The following CATSPERT variants were observed in gnomAD, a reference collection of about 807,000 sequenced individuals.
The protein encoded by CATSPERT is catsper channel auxiliary subunit tau, also known as cation channel sperm-associated targeting subunit tau.
At chr2:201,561,014 C>T in the CATSPERT span, among the ~76,000 whole-genome samples, 1 of 152,148 alleles carries the variant, frequency 6.6e-6, no homozygotes, top group Non-Finnish European at 1.5e-5. Context: ...AACTCCTGAC[C>T]TCATGATCGG....
At chr2:201,608,132 A>G in the CATSPERT span, among the ~76,000 whole-genome samples, 1 of 152,146 alleles carries the variant, frequency 6.6e-6, no homozygotes, top group African/African-American at 2.4e-5. Context: ...ATATAGGGTA[A>G]TTGCCTCCAG....
At chr2:201,498,042 AG>A in the CATSPERT span, among the ~76,000 whole-genome samples, 2 of 152,180 alleles carry the variant, frequency 1.3e-5, no homozygotes, top group African/African-American at 4.8e-5. Flanking sequence ...ATGTAAAATC[AG>A]GGGGGTCTGA....
the CATSPERT span, chr2:201,493,529 G>C: frequency 2.3e-5 from 36 of 1,536,826 alleles, no homozygotes; most frequent in Non-Finnish European, 3.1e-5. Flanking sequence ...GATTCTAAAA[G>C]TGTATCTATA....
the CATSPERT span, among the ~76,000 whole-genome samples, chr2:201,489,394 G>A: frequency 6.6e-6 from 1 of 151,958 alleles, no homozygotes; most frequent in African/African-American, 2.4e-5. Context: ...TTTTCCGAGT[G>A]TGTAGACACG....
At chr2:201,550,775 A>C in the CATSPERT span, 2 of 152,172 alleles carry the variant, frequency 1.3e-5, no homozygotes, top group African/African-American at 4.8e-5. Flanking sequence ...TCGGATCATT[A>C]AGTCATTCAT....
chr2:201,493,842 T>C, the CATSPERT span: 30 of 1,536,134 alleles, frequency 2.0e-5, no homozygotes, highest in Non-Finnish European at 2.6e-5. Flanking sequence ...TTTTTTTAAT[T>C]GGAAAATCTC....
At chr2:201,512,291 T>C in the CATSPERT span, among the ~76,000 whole-genome samples, 376 of 152,330 alleles carry the variant, frequency 2.5e-3, 3 homozygotes, top group South Asian at 0.03. Flanking sequence ...AGAGAGCTCA[T>C]GTTCTCTTCC....
At chr2:201,517,685 A>G in the CATSPERT span, among the ~76,000 whole-genome samples, 2 of 152,242 alleles carry the variant, frequency 1.3e-5, no homozygotes, top group East Asian at 3.8e-4. Flanking sequence ...GCCACTTCTT[A>G]CTGTAAAGAT....
the CATSPERT span, among the ~76,000 whole-genome samples, chr2:201,521,752 T>G: frequency 2.0e-4 from 30 of 152,148 alleles, no homozygotes; most frequent in Admixed American, 3.9e-4. Context: ...GCAAAAGTCC[T>G]AAACAAAATG....
At chr2:201,494,732 C>A in the CATSPERT span, 3 of 1,508,160 alleles carry the variant, frequency 2.0e-6, no homozygotes, top group South Asian at 3.8e-5. Context: ...AGAAAAGGAT[C>A]AAAACCGTTC....
the CATSPERT span, among the ~76,000 whole-genome samples, chr2:201,598,990 T>C: frequency 5.9e-5 from 9 of 152,008 alleles, no homozygotes; most frequent in Admixed American, 2.0e-4. Flanking sequence ...CCCCTGAAAT[T>C]ATTCAAACTA....
At chr2:201,574,267 C>T in the CATSPERT span, 1 of 1,603,038 alleles carries the variant, frequency 6.2e-7, no homozygotes, top group Non-Finnish European at 8.5e-7. Flanking sequence ...CACCTCCAGC[C>T]TGCAGACAAA....
the CATSPERT span, among the ~76,000 whole-genome samples, chr2:201,539,193 T>G: frequency 6.6e-6 from 1 of 152,286 alleles, no homozygotes; most frequent in East Asian, 1.9e-4. Context: ...GTAATGGGAT[T>G]GCTGGGTCAA....
At chr2:201,498,370 C>T in the CATSPERT span, among the ~76,000 whole-genome samples, 1 of 152,044 alleles carries the variant, frequency 6.6e-6, no homozygotes, top group South Asian at 2.1e-4. Context: ...TCTGATGTCC[C>T]AGGGCAGGAG....
At chr2:201,585,333 T>C in the CATSPERT span, among the ~76,000 whole-genome samples, 3 of 149,562 alleles carry the variant, frequency 2.0e-5, no homozygotes, top group Non-Finnish European at 4.4e-5. Flanking sequence ...TGTATACCTA[T>C]GTAACAAACC....
the CATSPERT span, among the ~76,000 whole-genome samples, chr2:201,497,762 C>G: frequency 1.1e-3 from 167 of 152,232 alleles, 1 homozygote; most frequent in Admixed American, 3.2e-3. Context: ...TGTTAGGAAG[C>G]TAGGAAAAGA....
At chr2:201,493,241 T>A in the CATSPERT span, 25 of 1,536,566 alleles carry the variant, frequency 1.6e-5, no homozygotes, top group Non-Finnish European at 2.2e-5. Flanking sequence ...CTCTGACCAT[T>A]TCTTGGCAAA....
At chr2:201,513,202 A>G in the CATSPERT span, among the ~76,000 whole-genome samples, 3 of 152,174 alleles carry the variant, frequency 2.0e-5, no homozygotes, top group Admixed American at 2.0e-4. Context: ...ACAAAGGACT[A>G]ATATCCACAA....
chr2:201,492,420 T>G, the CATSPERT span: 1 of 1,533,064 alleles, frequency 6.5e-7, no homozygotes, highest in East Asian at 2.5e-5. Flanking sequence ...CTGATAAAGC[T>G]ATCAGATAGT....
Sources: gnomAD v4.1 joint callset for allele counts (sites outside exome capture counted in the v4.1 genomes callset) on GRCh38, gnomAD v4.1.1 for gene constraint, MANE v1.5 for transcripts, NCBI Gene and HGNC (gene_info 2026-07-23, HGNC 2026-07-21) for gene names.